The following LCOR variants were observed in gnomAD, a reference collection of about 807,000 sequenced individuals.
The protein encoded by LCOR is ligand-dependent corepressor.
Under a neutral mutation model 64.4 loss-of-function variants are expected in LCOR, and 14 were observed. That is an observed-to-expected ratio of 0.22 (90% CI 0.14 to 0.34). LCOR has a LOEUF of 0.34. Among genes scored for constraint, LCOR ranks in the 10% least tolerant of loss-of-function variants. LCOR has a pLI of 1.00. For missense variants in LCOR, 1,686 were observed against 1,765.3 expected, an observed-to-expected ratio of 0.96 and a Z score of 0.80; for synonymous variants, 643 against 642.5, an observed-to-expected ratio of 1.00 and a Z score of -0.01.
chr10:96,981,688 C>T lies in LCOR; in HGVS notation c.1228C>T (p.Pro410Ser). Residue 410 changes from proline to serine, a missense_variant, in exon 8 of 8, where the codon CCC becomes TCC. Physicochemically the swap from Pro to Ser is moderately conservative, Grantham distance 74 (BLOSUM62 -1). Coordinates refer to ENST00000421806, the MANE Select transcript of LCOR (RefSeq NM_001346516.2). The stretch of plus-strand genomic sequence containing the variant: ...AAATAAGGTGGGTTACCATTTACAT[C>T]CCAGTGATAAGGGCCAGTTTGATCA... Reference protein sequence around the residue: ...GRNKVGYHLHPSDKGQFDHSK... With the variant: ...GRNKVGYHLHSSDKGQFDHSK... 1 of 1,614,204 alleles carries T rather than the reference C, an allele frequency of 6.2e-7. No individual in the cohort carries two copies. The highest frequency in any genetic ancestry group is 8.5e-7 in the Non-Finnish European group (1 of 1,180,046).
At chr10:96,857,347 A>G (rs1845823195) in intron 2 of LCOR, among the ~76,000 whole-genome samples, 1 of 152,180 alleles carries the variant, frequency 6.6e-6, no homozygotes, top group South Asian at 2.1e-4. Context: ...CTTAAATTCC[A>G]GTATGCCATT....
chr10:96,956,376 A>G (rs1847784173), intron 7 of LCOR: 1 of 985,042 alleles, frequency 1.0e-6, no homozygotes, highest in Non-Finnish European at 1.2e-6. Flanking sequence ...TCTTATACAA[A>G]ATTATTCACA....
At chr10:96,874,802 T>C (rs1012001510) in intron 2 of LCOR, among the ~76,000 whole-genome samples, 4 of 151,966 alleles carry the variant, frequency 2.6e-5, no homozygotes, top group African/African-American at 9.7e-5. Flanking sequence ...CACGCCCAGC[T>C]AATTTTTGTA....
intron 5 of LCOR, among the ~76,000 whole-genome samples, chr10:96,947,224 A>G (rs1847604070): frequency 6.6e-6 from 1 of 152,048 alleles, no homozygotes; most frequent in Non-Finnish European, 1.5e-5. Flanking sequence ...GTCTCTATTT[A>G]TAGAGAGGAA....
chr10:96,895,427 CT>C (rs1411504871), intron 2 of LCOR, among the ~76,000 whole-genome samples: 1 of 152,188 alleles, frequency 6.6e-6, no homozygotes, highest in Non-Finnish European at 1.5e-5. Context: ...ATTGCTACCC[CT>C]ATCTCTTGCC....
chr10:96,920,736 A>ATGTGTATATG (rs1324825731), intron 4 of LCOR, among the ~76,000 whole-genome samples: 1 of 131,070 alleles, frequency 7.6e-6, no homozygotes, highest in East Asian at 2.2e-4. Flanking sequence ...GTTCATATAT[A>ATGTGTATATG]TGTGTATATA....
In LCOR at chr10:96,907,734, G is replaced by GAGATAA; in HGVS notation, c.-194_-189dup. The GAGATAA allele has an allele frequency of 1.0e-6, 1 of 979,538 alleles. No individual in the cohort carries two copies. Among genetic ancestry groups the GAGATAA allele is most frequent in the Non-Finnish European group, 1.2e-6 (1 of 824,222 alleles). The allele number at this position is 979,538 out of a possible 1,614,324, so 60.7% of individuals were successfully genotyped here. ...AACTGTTTATTCTGTTGCTTGAGAA[G>GAGATAA]AGATAAAGTAAAGGTAACTAAGAAG... On this transcript the variant is annotated 5_prime_UTR_variant, in exon 4 of 8. Coordinates refer to ENST00000421806, the MANE Select transcript of LCOR (RefSeq NM_001346516.2).
In LCOR at chr10:96,994,307, G is replaced by T. The variant is rs192493570; in HGVS notation, c.*9173G>T. On this transcript the variant is annotated 3_prime_UTR_variant, in exon 8 of 8. Coordinates refer to ENST00000421806, the MANE Select transcript of LCOR (RefSeq NM_001346516.2). ...GCTTGAAATGTCTAAAGCTGCCTTC[G>T]TGTCTGGGATTACACCATGTAGGTC... The T allele has an allele frequency of 1.8e-4, 28 of 152,200 alleles. No individual in the cohort carries two copies. Among genetic ancestry groups the T allele is most frequent in the African/African-American group, 6.7e-4 (28 of 41,516 alleles). The allele number at this position is 152,200 out of a possible 1,614,324, so 9.4% of individuals were successfully genotyped here.
chr10:96,962,501 G>C (rs1315187743), intron 7 of LCOR: 4 of 152,022 alleles, frequency 2.6e-5, no homozygotes, highest in African/African-American at 7.2e-5. Flanking sequence ...CTAAAATGAG[G>C]GGGGATGATT....
chr10:96,901,389 CTTATT>C (rs1348787676), intron 2 of LCOR, among the ~76,000 whole-genome samples: 18 of 152,198 alleles, frequency 1.2e-4, no homozygotes, highest in African/African-American at 3.6e-4. Context: ...TCTCTTTCCT[CTTATT>C]TTAAGTAAAA....
intron 4 of LCOR, among the ~76,000 whole-genome samples, chr10:96,912,124 G>A (rs1034260235): frequency 6.6e-6 from 1 of 151,888 alleles, no homozygotes; most frequent in Non-Finnish European, 1.5e-5. Context: ...AGTAGAGGCG[G>A]GGTTTCACCA....
intron 2 of LCOR, among the ~76,000 whole-genome samples, chr10:96,839,194 C>T (rs1410587260): frequency 6.6e-6 from 1 of 152,146 alleles, no homozygotes; most frequent in Non-Finnish European, 1.5e-5. Context: ...ATCCCTTGCC[C>T]ATTTTTAAAA....
intron 4 of LCOR, chr10:96,915,571 A>T: frequency 1.5e-6 from 1 of 683,054 alleles, no homozygotes; most frequent in East Asian, 2.6e-5. Context: ...CTTGGTAAAA[A>T]ATAGAATTTC....
At chr10:96,843,199 A>C (rs1404823068) in intron 2 of LCOR, among the ~76,000 whole-genome samples, 1 of 152,072 alleles carries the variant, frequency 6.6e-6, no homozygotes, top group Non-Finnish European at 1.5e-5. Context: ...ATCATAGCTC[A>C]CTGTAAACTC....
chr10:96,955,503 A>C (rs750637551), intron 7 of LCOR: 10 of 1,614,068 alleles, frequency 6.2e-6, no homozygotes, highest in African/African-American at 1.3e-5. Flanking sequence ...ATTAAGGGCT[A>C]TTCTTCCAAA....
At chr10:96,897,954 C>A (rs1846569613) in intron 2 of LCOR, among the ~76,000 whole-genome samples, 1 of 149,710 alleles carries the variant, frequency 6.7e-6, no homozygotes, top group Admixed American at 6.7e-5. Context: ...TTGCCTGACA[C>A]ATAAAACAGA....
Position 96,983,993 on chromosome 10 carries a change from T to C in LCOR, c.3533T>C (p.Phe1178Ser), listed in dbSNP as rs762339616. The change falls in exon 8 of 8, where the codon TTT becomes TCT. Residue 1178 changes from phenylalanine (F) to serine (S), a missense_variant. Transcript: ENST00000421806. The surrounding 1 kb of genome is among the most constrained non-coding windows in gnomAD (Gnocchi z 4.5). ...SPVQMLFMTN[F>S]KLSNVCKWFL... ...GTTCAGATGCTCTTTATGACAAACT[T>C]TAAATTATCTAATGTTTGTAAATGG... 1 of 1,614,146 alleles carries C rather than the reference T, an allele frequency of 6.2e-7. No homozygotes were observed. The highest frequency in any genetic ancestry group is 1.1e-5 in the South Asian group (1 of 91,074).
rs1351921308 is a variant in LCOR, at chr10:96,903,869, G to T, written c.-329-3396G>T. ...ACATTGTTCCTATAAGAGAAACATT[G>T]CTTTCTAGCCTTCCTGGAGCATTAA... On this transcript the variant is annotated intron_variant, in intron 2 of 7. Coordinates refer to ENST00000421806, the MANE Select transcript of LCOR (RefSeq NM_001346516.2). 2.0e-5 allele frequency among the ~76,000 whole-genome samples: 3 copies of T among 152,168 alleles called. No homozygotes were observed. The South Asian group carries it at 6.2e-4, about 31-fold the overall frequency.
At chr10:96,868,587 T>C (rs563963135) in intron 2 of LCOR, among the ~76,000 whole-genome samples, 1 of 152,280 alleles carries the variant, frequency 6.6e-6, no homozygotes, top group South Asian at 2.1e-4. Context: ...GTGGTTACTT[T>C]TTAAAAGTCA....
Sources: gnomAD v4.1 joint callset for allele counts (sites outside exome capture counted in the v4.1 genomes callset) on GRCh38, gnomAD v4.1.1 for gene constraint, Gnocchi (gnomAD v3.1) non-coding constraint, MANE v1.5 for transcripts, NCBI Gene and HGNC (gene_info 2026-07-23, HGNC 2026-07-21) for gene names.